NUAK2: variants seen among roughly 807,000 people sequenced by gnomAD.
NUAK2 encodes NUAK family SNF1-like kinase 2.
In NUAK2, 20 loss-of-function variants were observed where a neutral mutation model predicts 29.8. That is an observed-to-expected ratio of 0.67 (90% CI 0.47 to 0.98). The LOEUF is 0.98. Among genes scored for constraint, NUAK2 ranks in the 50% least tolerant of loss-of-function variants. The pLI is 0.00. For synonymous variants in NUAK2, 331 were observed against 342.6 expected, an observed-to-expected ratio of 0.97 and a Z score of 0.37; for missense variants, 719 against 834.5, an observed-to-expected ratio of 0.86 and a Z score of 1.71.
intron 1 of NUAK2, 93 bp downstream of exon 1, chr1:205,321,305 G>A (rs1462705231): frequency 1.7e-5 from 20 of 1,153,846 alleles, no homozygotes; most frequent in Non-Finnish European, 2.4e-5. Context: ...CCTCTCCGCC[G>A]AGCAACGAGC....
At position 205,317,488 on chromosome 1, in the gene NUAK2, G is replaced by A. The variant is rs565118469; in HGVS notation, c.231+3910C>T. The stretch of plus-strand genomic sequence containing the variant: ...GTGGGGGTGGGCCTAGGGGTGGCTC[G>A]CCATCCCACCACACCAGCCAGAGAG... On this transcript the variant is annotated intron_variant, in intron 1 of 6. Coordinates refer to ENST00000367157, the MANE Select transcript of NUAK2 (RefSeq NM_030952.3). 2.4e-4 allele frequency among the ~76,000 whole-genome samples: 37 copies of A among 152,270 alleles called. No individual in the cohort carries two copies. In the South Asian group the frequency reaches 6.6e-3, roughly 27 times the overall value.
rs992640720 is a variant in NUAK2, at chr1:205,303,010, G to C, written c.*440C>G. 6.5e-6 allele frequency: 1 copy of C among 153,776 alleles called. No individual in the cohort carries two copies. Among genetic ancestry groups the C allele is most frequent in the African/African-American group, 2.4e-5 (1 of 41,526 alleles). 9.5% of individuals were successfully genotyped at this position (153,776 alleles called of 1,614,324 possible). On this transcript the variant is annotated 3_prime_UTR_variant, in exon 7 of 7. Coordinates refer to ENST00000367157, the MANE Select transcript of NUAK2 (RefSeq NM_030952.3). ...ACCATCCAGTTCTGGTGGTTGGTAG[G>C]AACGGGAATGTGTGTGTAAAGAGGT...
At chr1:205,320,327 C>G (rs755422601) in intron 1 of NUAK2, among the ~76,000 whole-genome samples, 1 of 152,128 alleles carries the variant, frequency 6.6e-6, no homozygotes, top group African/African-American at 2.4e-5. Context: ...TGCAGTGGCA[C>G]GATCTCGGCT....
At position 205,308,255 on chromosome 1, in the gene NUAK2, G is replaced by A. The variant is rs369961018; in HGVS notation, c.505-25C>T. 34 of 1,559,138 alleles carry A rather than the reference G, an allele frequency of 2.2e-5. No individual in the cohort carries two copies. The highest frequency in any genetic ancestry group is 1.4e-4 in the East Asian group (6 of 44,326). ...TCTGAAAGAAGGAGAGGGCAGTCAC[G>A]GGAAGGTCACCAGGGAAGGGAAGAT... On this transcript the variant is annotated intron_variant, in intron 3 of 6. Transcript: ENST00000367157. The surrounding 1 kb of genome is among the most constrained non-coding windows in gnomAD (Gnocchi z 4.1).
chr1:205,315,971 A>C (rs1245695440), intron 1 of NUAK2, among the ~76,000 whole-genome samples: 1 of 152,194 alleles, frequency 6.6e-6, no homozygotes, highest in Non-Finnish European at 1.5e-5. Context: ...CACATGCCTG[A>C]GACAGTCCTG....
At position 205,321,640 on chromosome 1, in the gene NUAK2, G is replaced by C. The variant is rs1478509364; in HGVS notation, c.-12C>G. The C allele has an allele frequency of 1.2e-6, 2 of 1,602,812 alleles. No homozygotes were observed. The highest frequency in any genetic ancestry group is 1.7e-6 in the Non-Finnish European group (2 of 1,177,334). ...ACCAGCGACTCCATGGCGAGCAGGA[G>C]GTGAGCAAGGGCGGCAGGGGAATCA... On this transcript the variant is annotated 5_prime_UTR_variant, in exon 1 of 7. Transcript: ENST00000367157.
intron 5 of NUAK2, 44 bp downstream of exon 5, chr1:205,306,144 A>C: frequency 6.4e-7 from 1 of 1,555,620 alleles, no homozygotes; most frequent in Non-Finnish European, 8.7e-7. Flanking sequence ...CTAAAGTCAT[A>C]GTAAACATCT....
chr1:205,312,759 C>T (rs931479006), intron 1 of NUAK2, among the ~76,000 whole-genome samples: 2 of 152,094 alleles, frequency 1.3e-5, no homozygotes, highest in African/African-American at 4.8e-5. Flanking sequence ...GCCATGATTG[C>T]ACCACTGGAC....
chr1:205,313,547 A>G (rs75547645), intron 1 of NUAK2, among the ~76,000 whole-genome samples: 2,069 of 152,268 alleles, frequency 0.014, 52 homozygotes, highest in African/African-American at 0.047. Flanking sequence ...CAGCTCCTGG[A>G]CAAAATCCCA....
rs2102647479 is a variant in NUAK2, at chr1:205,308,303, C to T, written c.505-73G>A. 1.7e-6 allele frequency: 2 copies of T among 1,169,278 alleles called. No homozygotes were observed. Among genetic ancestry groups the T allele is most frequent in the Non-Finnish European group, 2.5e-6 (2 of 814,560 alleles). 72.4% of individuals were successfully genotyped at this position (1,169,278 alleles called of 1,614,324 possible). A position where few individuals can be genotyped will look rare whatever the true frequency, so the allele number is the denominator to read the frequency against. On this transcript the variant is annotated intron_variant, in intron 3 of 6. Coordinates refer to ENST00000367157, the MANE Select transcript of NUAK2 (RefSeq NM_030952.3). This position sits in a 1 kb window ranked among gnomAD's most constrained non-coding sequence, Gnocchi z 4.1. ...GATGATGAGGGGCCCAGTCTGGAGA[C>T]TGAGGTAAACACAAAGGGAGCCAAG...
Position 205,314,810 on chromosome 1 carries a change from G to A in NUAK2, c.232-2985C>T, listed in dbSNP as rs182435460. The stretch of plus-strand genomic sequence containing the variant: ...ATAGGCACATCTTGGATGTACAGTT[G>A]TGTACTCGCAGATACAATAGTGAAA... On this transcript the variant is annotated intron_variant, in intron 1 of 6. Transcript: ENST00000367157. Among the ~76,000 whole-genome samples the A allele has an allele frequency of 3.9e-5, 6 of 152,282 alleles. No homozygotes were observed. In the East Asian group the frequency reaches 1.2e-3, roughly 29 times the overall value.
chr1:205,312,099 T>C (rs1390380199), intron 1 of NUAK2, among the ~76,000 whole-genome samples: 1 of 152,174 alleles, frequency 6.6e-6, no homozygotes, highest in Admixed American at 6.5e-5. Context: ...ACAAGGAAGG[T>C]AAAAACCTGC....
rs1405353180 is a variant in NUAK2 at position 205,302,907 on chromosome 1, T to A, written c.*543A>T. ...ACTCCGTCTCAAAAAAATAAATAAATAAATAAAAATAAAAATAAAAATAAC... is the reference window on the plus strand; with the variant it reads ...ACTCCGTCTCAAAAAAATAAATAAAAAAATAAAAATAAAAATAAAAATAAC... On this transcript the variant is annotated 3_prime_UTR_variant, in exon 7 of 7. Coordinates refer to ENST00000367157, the MANE Select transcript of NUAK2 (RefSeq NM_030952.3). 1.3e-5 allele frequency: 2 copies of A among 151,722 alleles called. No homozygotes were observed. Among genetic ancestry groups the A allele is most frequent in the African/African-American group, 4.8e-5 (2 of 41,238 alleles). The allele number at this position is 151,722 out of a possible 1,614,324, so 9.4% of individuals were successfully genotyped here. A position where few individuals can be genotyped will look rare whatever the true frequency, so the allele number is the denominator to read the frequency against.
At position 205,305,180 on chromosome 1, in the gene NUAK2, G is replaced by A; in HGVS notation, c.823+19C>T. 3 of 1,611,812 alleles carry A rather than the reference G, an allele frequency of 1.9e-6. No individual in the cohort carries two copies. The highest frequency in any genetic ancestry group is 1.3e-5 in the African/African-American group (1 of 74,956). ...GGACACCCCAGGCCTGGATAAGAAC[G>A]CCCACACCTCTTACTCACCAGAGGG... On this transcript the variant is annotated intron_variant, in intron 6 of 6. Coordinates refer to ENST00000367157, the MANE Select transcript of NUAK2 (RefSeq NM_030952.3).
In NUAK2 at chr1:205,320,261, T is replaced by C. The variant is rs1296290852; in HGVS notation, c.231+1137A>G. ...AGTTCTTTTTTTGTTTGTTTCGTTT[T>C]GTTTTGTTTTGTTTTGTTTTTGAGA... On this transcript the variant is annotated intron_variant, in intron 1 of 6. Transcript: ENST00000367157. 3.3e-5 allele frequency among the ~76,000 whole-genome samples: 5 copies of C among 151,854 alleles called. No individual in the cohort carries two copies. The East Asian group carries it at 5.8e-4, about 18-fold the overall frequency.
chr1:205,305,549 G>A (rs1462590232), intron 5 of NUAK2: 1 of 982,174 alleles, frequency 1.0e-6, no homozygotes, highest in Non-Finnish European at 1.2e-6. Flanking sequence ...ATCTCTTCCG[G>A]GCTGGGGAAG....
Position 205,304,074 on chromosome 1 carries a change from C to G in NUAK2, c.1263G>C (p.Gly421=), listed in dbSNP as rs763547749. The G allele has an allele frequency of 6.2e-7, 1 of 1,614,172 alleles. No individual in the cohort carries two copies. Among genetic ancestry groups the G allele is most frequent in the East Asian group, 2.2e-5 (1 of 44,856 alleles). ...LKKKVSASAE[G]VQEDPPELSP... ...TGAGCTCCGGAGGGTCCTCCTGTAC[C>G]CCTTCTGCAGAGGCTGACACCTTCT... Residue 421 remains glycine (G), a synonymous_variant, in exon 7 of 7, where the codon GGG becomes GGC. Coordinates refer to ENST00000367157, the MANE Select transcript of NUAK2 (RefSeq NM_030952.3). The surrounding 1 kb of genome is among the most constrained non-coding windows in gnomAD (Gnocchi z 6.5).
intron 2 of NUAK2, among the ~76,000 whole-genome samples, chr1:205,309,089 T>C (rs1267842186): frequency 2.6e-5 from 4 of 151,738 alleles, no homozygotes; most frequent in African/African-American, 9.7e-5. Flanking sequence ...CTTTTTCACC[T>C]TGTGGCCTTG....
intron 1 of NUAK2, among the ~76,000 whole-genome samples, chr1:205,320,957 C>T (rs1345882898): frequency 1.3e-5 from 2 of 152,212 alleles, no homozygotes; most frequent in Non-Finnish European, 2.9e-5. Flanking sequence ...GGGAAATCCA[C>T]ACCTCATCCA....
Sources: gnomAD v4.1 joint callset for allele counts (sites outside exome capture counted in the v4.1 genomes callset) on GRCh38, gnomAD v4.1.1 for gene constraint, Gnocchi (gnomAD v3.1) non-coding constraint, MANE v1.5 for transcripts, NCBI Gene and HGNC (gene_info 2026-07-23, HGNC 2026-07-21) for gene names.